The following ESF1 variants were observed in gnomAD, a reference collection of about 807,000 sequenced individuals.
The protein encoded by ESF1 is ESF1 nucleolar pre-rRNA processing protein.
A neutral mutation model predicts 92.0 loss-of-function variants in ESF1; 58 were observed. The ratio of observed to expected loss-of-function variants is 0.63; its 90% confidence interval spans 0.51 to 0.78. The LOEUF (loss-of-function observed/expected upper bound fraction) is 0.78. ESF1 is among the 30% of genes least tolerant of loss of function. ESF1 has a pLI of 0.00. For synonymous variants in ESF1, 321 were observed against 313.7 expected, an observed-to-expected ratio of 1.02 and a Z score of -0.24; for missense variants, 922 against 989.1, an observed-to-expected ratio of 0.93 and a Z score of 0.91.
intron 9 of ESF1, among the ~76,000 whole-genome samples, chr20:13,754,862 T>C (rs913307785): frequency 6.6e-5 from 10 of 152,216 alleles, no homozygotes; most frequent in Non-Finnish European, 1.3e-4. Flanking sequence ...ACCTCTCTGA[T>C]CTCAGTTACT....
intron 11 of ESF1, among the ~76,000 whole-genome samples, chr20:13,727,492 CCTT>C (rs2049908357): frequency 6.6e-6 from 1 of 152,184 alleles, no homozygotes; most frequent in Non-Finnish European, 1.5e-5. Context: ...TTCATAAACT[CCTT>C]CTCTTTACAA....
Position 13,782,914 on chromosome 20 carries a change from T to A in ESF1, c.227A>T (p.Asp76Val), listed in dbSNP as rs779862954. The A allele has an allele frequency of 1.2e-6, 2 of 1,614,198 alleles. No individual in the cohort carries two copies. The highest frequency in any genetic ancestry group is 1.7e-6 in the Non-Finnish European group (2 of 1,180,040). Residue 76 changes from aspartate to valine, a missense_variant, in exon 2 of 14, where the codon GAT (aspartate) becomes GTT (valine). Coordinates refer to ENST00000617257, the MANE Select transcript of ESF1 (RefSeq NM_001276380.2). ...TTCACCAGAGAGATTGGAATCAGAA[T>A]CTGAAAGGTCGTAAAAACGCTTCAA... ...EDLKRFYDLS[D>V]SDSNLSGEDS...
chr20:13,771,912 C>CTT (rs5840576), intron 5 of ESF1, among the ~76,000 whole-genome samples: 3 of 128,772 alleles, frequency 2.3e-5, no homozygotes, highest in South Asian at 2.5e-4. Context: ...ACAACACATT[C>CTT]TTTTTTTTTT....
chr20:13,746,498 C>A (rs552156167), intron 9 of ESF1, among the ~76,000 whole-genome samples: 40 of 152,258 alleles, frequency 2.6e-4, no homozygotes, highest in African/African-American at 8.2e-4. Context: ...GACTTTGAGG[C>A]CTCTATGCTC....
chr20:13,727,363 A>G (rs1429336312), intron 11 of ESF1, among the ~76,000 whole-genome samples: 2 of 152,158 alleles, frequency 1.3e-5, no homozygotes, highest in Non-Finnish European at 2.9e-5. Context: ...TCTCCTTCTC[A>G]TCAATAAAAT....
chr20:13,731,266 T>C (rs1226281676), intron 10 of ESF1, among the ~76,000 whole-genome samples: 2 of 152,166 alleles, frequency 1.3e-5, no homozygotes, highest in Admixed American at 6.5e-5. Flanking sequence ...AGTTATTTCA[T>C]TTATAAGATA....
chr20:13,779,033 G>A (rs532991855), intron 2 of ESF1, among the ~76,000 whole-genome samples: 10 of 152,126 alleles, frequency 6.6e-5, no homozygotes, highest in Middle Eastern at 3.4e-3. Context: ...GCAGCAGAGC[G>A]AGACCCTGTC....
intron 12 of ESF1, among the ~76,000 whole-genome samples, chr20:13,717,824 C>A (rs2049840309): frequency 6.6e-6 from 1 of 152,192 alleles, no homozygotes; most frequent in African/African-American, 2.4e-5. Context: ...TCCCCAACTA[C>A]CCTCAAATAA....
Position 13,717,489 on chromosome 20 carries a change from TCCA to T in ESF1, c.2138_2140del (p.Met713_Asp714delinsAsn), listed in dbSNP as rs2049837753. ...GTGTTTCTTACTGTCCTCGTCCTCA[TCCA>T]TCATAAGCAAAGCCATTTCAGCCTG... On this transcript the variant is annotated inframe_deletion, in exon 13 of 14. Transcript: ENST00000617257. The T allele has an allele frequency of 1.2e-6, 2 of 1,613,950 alleles. No homozygotes were observed. The highest frequency in any genetic ancestry group is 1.7e-6 in the Non-Finnish European group (2 of 1,180,008).
chr20:13,760,375 G>A (rs8122339), intron 8 of ESF1, among the ~76,000 whole-genome samples: 2,426 of 146,352 alleles, frequency 0.017, 67 homozygotes, highest in African/African-American at 0.057. Flanking sequence ...GCCGCCCATC[G>A]TCTGAGATGT....
chr20:13,739,810 A>T (rs2049999465), intron 9 of ESF1, among the ~76,000 whole-genome samples: 1 of 151,900 alleles, frequency 6.6e-6, no homozygotes, highest in Non-Finnish European at 1.5e-5. Flanking sequence ...CTGATCTGCT[A>T]TGGTCTTATA....
At chr20:13,719,013 TA>T in intron 11 of ESF1, 29 bp from the exon 12 acceptor site, 2 of 1,533,124 alleles carry the variant, frequency 1.3e-6, no homozygotes, top group Non-Finnish European at 1.8e-6. Context: ...ATAAGAGTGG[TA>T]AAAATTACAG....
chr20:13,765,472 C>T (rs756036183), intron 8 of ESF1, among the ~76,000 whole-genome samples: 5 of 152,126 alleles, frequency 3.3e-5, no homozygotes, highest in Non-Finnish European at 7.4e-5. Context: ...AGGGTAAAGA[C>T]CTGTTTTGCT....
chr20:13,724,069 C>T (rs987391000), intron 11 of ESF1, among the ~76,000 whole-genome samples: 27 of 152,134 alleles, frequency 1.8e-4, no homozygotes, highest in Admixed American at 9.8e-4. Context: ...CCGAGGCGCG[C>T]GGATCACCTG....
intron 6 of ESF1, among the ~76,000 whole-genome samples, chr20:13,770,358 T>C (rs1272211852): frequency 2.6e-5 from 4 of 152,212 alleles, no homozygotes; most frequent in South Asian, 2.1e-4. Flanking sequence ...AGTGCAGTCA[T>C]TGACTACATG....
chr20:13,762,981 C>T (rs1474041472), intron 8 of ESF1: 6 of 242,606 alleles, frequency 2.5e-5, no homozygotes, highest in Non-Finnish European at 4.0e-5. Flanking sequence ...CTGCCTCAGC[C>T]TCCAGAGTAG....
At chr20:13,722,244 GA>G (rs1310948788) in intron 11 of ESF1, among the ~76,000 whole-genome samples, 1 of 150,816 alleles carries the variant, frequency 6.6e-6, no homozygotes, top group Non-Finnish European at 1.5e-5. Flanking sequence ...AAGGGAGAAA[GA>G]AAAAAAAATC....
At chr20:13,742,275 A>G (rs1325159525) in intron 9 of ESF1, among the ~76,000 whole-genome samples, 1 of 152,062 alleles carries the variant, frequency 6.6e-6, no homozygotes, top group Non-Finnish European at 1.5e-5. Context: ...GTTTGAGACC[A>G]GTCTGGCCAA....
Position 13,714,832 on chromosome 20 carries a change from T to C in ESF1, c.*42A>G, listed in dbSNP as rs754414689. ...TTCCCTCCTATTATTTTTGTACATT[T>C]TAGGAAAAGATGTATTCAGTTCAAA... is the stretch of plus-strand genomic sequence containing the variant. On this transcript the variant is annotated 3_prime_UTR_variant, in exon 14 of 14. Coordinates refer to ENST00000617257, the MANE Select transcript of ESF1 (RefSeq NM_001276380.2). The C allele has an allele frequency of 2.0e-6, 3 of 1,464,956 alleles. No homozygotes were observed. Among genetic ancestry groups the C allele is most frequent in the Non-Finnish European group, 2.8e-6 (3 of 1,088,794 alleles). The allele number at this position is 1,464,956 out of a possible 1,614,324, so 90.7% of individuals were successfully genotyped here. A position where few individuals can be genotyped will look rare whatever the true frequency, so the allele number is the denominator to read the frequency against.
Sources: allele counts gnomAD v4.1 joint callset (sites outside exome capture counted in the v4.1 genomes callset), GRCh38; gene constraint gnomAD v4.1.1; transcripts MANE v1.5; gene names NCBI Gene and HGNC (gene_info 2026-07-23, HGNC 2026-07-21).